GAP43: variants seen among roughly 807,000 people sequenced by gnomAD.
GAP43 encodes the protein neuromodulin.
In GAP43, 6 loss-of-function variants were observed where a neutral mutation model predicts 18.6. The observed-to-expected ratio is 0.32, with a 90% confidence interval of 0.18 to 0.64. The LOEUF (loss-of-function observed/expected upper bound fraction) is 0.64, where lower values mean the gene tolerates loss of function less well. Among genes scored for constraint, GAP43 ranks in the 30% least tolerant of loss-of-function variants. The pLI is 0.78. For missense variants in GAP43, 292 were observed against 295.5 expected (o/e 0.99, Z 0.09); for synonymous variants, 115 against 111.4 (o/e 1.03, Z -0.20).
intron 1 of GAP43, among the ~76,000 whole-genome samples, chr3:115,642,240 C>T (rs563777211): frequency 6.6e-6 from 1 of 152,046 alleles, no homozygotes; most frequent in East Asian, 1.9e-4. Flanking sequence ...TGTTTTCCAC[C>T]TTTTGACTCT....
chr3:115,698,067 T>C (rs1279691023), intron 2 of GAP43, among the ~76,000 whole-genome samples: 1 of 67,482 alleles, frequency 1.5e-5, no homozygotes, highest in Non-Finnish European at 2.4e-5. Context: ...AAATATATAT[T>C]ATATATAATA....
intron 2 of GAP43, among the ~76,000 whole-genome samples, chr3:115,697,179 TTATAC>T (rs1478466892): frequency 8.1e-6 from 1 of 123,308 alleles, no homozygotes; most frequent in African/African-American, 3.2e-5. Flanking sequence ...TTCTAATATA[TTATAC>T]ATTACATTTA....
intron 1 of GAP43, among the ~76,000 whole-genome samples, chr3:115,632,306 A>G (rs913936735): frequency 6.6e-6 from 1 of 152,106 alleles, no homozygotes; most frequent in African/African-American, 2.4e-5. Context: ...ATGTAGATAC[A>G]GTTTGGTTGG....
Position 115,651,352 on chromosome 3 carries a change from CTGT to C in GAP43, c.31-24656_31-24654del, listed in dbSNP as rs1322769334. On this transcript the variant is annotated intron_variant, in intron 1 of 2. Coordinates refer to ENST00000305124, the MANE Select transcript of GAP43 (RefSeq NM_002045.4). Reference sequence around the variant, plus strand: ...TGCACACTCTGCACATACGGAAGACCTGTTGTTTGAAAAGTTAAGTTAGTGTTT... The same window carrying C: ...TGCACACTCTGCACATACGGAAGACCTGTTTGAAAAGTTAAGTTAGTGTTT... Among the ~76,000 whole-genome samples the C allele has an allele frequency of 4.6e-5, 7 of 152,208 alleles. No individual in the cohort carries two copies. In the East Asian group the frequency reaches 7.7e-4, roughly 17 times the overall value.
intron 1 of GAP43, among the ~76,000 whole-genome samples, chr3:115,653,710 T>C (rs1050295920): frequency 3.3e-5 from 5 of 152,242 alleles, no homozygotes; most frequent in African/African-American, 1.2e-4. Context: ...CCTGGTTGTA[T>C]GTTAGGTTTT....
intron 1 of GAP43, chr3:115,663,688 G>A (rs1708695353): frequency 1.3e-6 from 2 of 1,488,234 alleles, no homozygotes; most frequent in African/African-American, 1.4e-5. Context: ...ATTGTAAAGA[G>A]ATCTCAAAAC....
At chr3:115,638,511 CTTT>C (rs113774206) in intron 1 of GAP43, among the ~76,000 whole-genome samples, 1 of 144,752 alleles carries the variant, frequency 6.9e-6, no homozygotes, top group African/African-American at 2.5e-5. Flanking sequence ...ACACATCACA[CTTT>C]TTTTTTTTTT....
intron 2 of GAP43, among the ~76,000 whole-genome samples, chr3:115,706,944 TTCA>T (rs1709372188): frequency 1.3e-5 from 2 of 152,218 alleles, no homozygotes; most frequent in African/African-American, 4.8e-5. Flanking sequence ...TCATTTAATG[TTCA>T]TCACAAATTT....
In GAP43 at chr3:115,716,960, A is replaced by G. The variant is rs189955968; in HGVS notation, c.629-3834A>G. 1.7e-3 allele frequency among the ~76,000 whole-genome samples: 255 copies of G among 151,964 alleles called. 1 individual carries two copies. The highest frequency in any genetic ancestry group is 3.0e-3 in the Non-Finnish European group (201 of 67,968). On this transcript the variant is annotated intron_variant, in intron 2 of 2. Transcript: ENST00000305124. ...CTATGGACTCTAGCTACTTAGTTTC[A>G]GTGCCGAATTGCTAAAATGAGTTTG...
intron 2 of GAP43, among the ~76,000 whole-genome samples, chr3:115,698,352 T>A (rs1244158868): frequency 1.3e-5 from 1 of 75,952 alleles, no homozygotes; most frequent in East Asian, 4.0e-4. Context: ...TCGGTCATGA[T>A]CAGAGTCCAA....
At chr3:115,649,357 T>A (rs1708496316) in intron 1 of GAP43, among the ~76,000 whole-genome samples, 1 of 152,112 alleles carries the variant, frequency 6.6e-6, no homozygotes, top group Admixed American at 6.6e-5. Flanking sequence ...GGGATTAAGT[T>A]TCAACTTGAA....
intron 1 of GAP43, 90 bp downstream of exon 1, chr3:115,623,809 C>T: frequency 7.4e-7 from 1 of 1,349,356 alleles, no homozygotes. Flanking sequence ...TTTACTGCTT[C>T]TGCTCTGGCC....
chr3:115,689,081 A>T (rs1364984262), intron 2 of GAP43, among the ~76,000 whole-genome samples: 2 of 152,040 alleles, frequency 1.3e-5, no homozygotes, highest in East Asian at 1.9e-4. Context: ...TGAGCTTCCC[A>T]TGGTCACCTC....
At chr3:115,699,583 G>A (rs1161503910) in intron 2 of GAP43, among the ~76,000 whole-genome samples, 2 of 152,008 alleles carry the variant, frequency 1.3e-5, no homozygotes, top group African/African-American at 4.8e-5. Flanking sequence ...TTTACAGCAG[G>A]CATTAATACC....
chr3:115,657,445 A>G lies in GAP43; in HGVS notation c.31-18568A>G, dbSNP rs75606439. Reference sequence around the variant, plus strand: ...GGAGATGGGGAGAAGACTATCTTTCACTTGTTAATTCATTAATTTCTTTCG... The same window carrying G: ...GGAGATGGGGAGAAGACTATCTTTCGCTTGTTAATTCATTAATTTCTTTCG... On this transcript the variant is annotated intron_variant, in intron 1 of 2. Coordinates refer to ENST00000305124, the MANE Select transcript of GAP43 (RefSeq NM_002045.4). Among the ~76,000 whole-genome samples, 1,315 of 152,222 alleles carry G rather than the reference A, an allele frequency of 8.6e-3. 21 individuals carry two copies. The highest frequency in any genetic ancestry group is 0.029 in the African/African-American group (1,213 of 41,518).
intron 1 of GAP43, among the ~76,000 whole-genome samples, chr3:115,630,846 C>T (rs1029548087): frequency 1.3e-5 from 2 of 152,154 alleles, no homozygotes; most frequent in South Asian, 2.1e-4. Flanking sequence ...TTTCTTCAAA[C>T]TTTCTAAAAA....
In GAP43 at chr3:115,676,492, G is replaced by T; in HGVS notation, c.510G>T (p.Val170=). Residue 170 remains valine, a synonymous_variant, in exon 2 of 3, where the codon GTG becomes GTT. Coordinates refer to ENST00000305124, the MANE Select transcript of GAP43 (RefSeq NM_002045.4). ...AGGAGGAGCCTAAACAAGCCGATGT[G>T]CCTGCTGCTGTCACTGCTGCTGCTG... is the stretch of plus-strand genomic sequence containing the variant. ...PAKEEPKQAD[V]PAAVTAAAAT... is the part of the protein sequence containing the mutation. The T allele has an allele frequency of 1.9e-6, 3 of 1,614,058 alleles. No homozygotes were observed. Among genetic ancestry groups the T allele is most frequent in the Non-Finnish European group, 2.5e-6 (3 of 1,180,014 alleles).
At chr3:115,645,297 T>C (rs28370256) in intron 1 of GAP43, among the ~76,000 whole-genome samples, 7,588 of 152,048 alleles carry the variant, frequency 0.05, 472 homozygotes, top group African/African-American at 0.14. Flanking sequence ...ATCTCCAATA[T>C]TTTTTGTGTT....
At chr3:115,627,672 G>T (rs898722228) in intron 1 of GAP43, among the ~76,000 whole-genome samples, 1 of 152,088 alleles carries the variant, frequency 6.6e-6, no homozygotes, top group South Asian at 2.1e-4. Context: ...ACATAACCAG[G>T]TCATCTCAAG....
Sources: gnomAD v4.1 joint callset for allele counts (sites outside exome capture counted in the v4.1 genomes callset) on GRCh38, gnomAD v4.1.1 for gene constraint, MANE v1.5 for transcripts, NCBI Gene and HGNC (gene_info 2026-07-23, HGNC 2026-07-21) for gene names.